Variants in CLOCK observed in about 807,000 individuals in gnomAD.
CLOCK encodes the protein clock circadian regulator.
Under a neutral mutation model 118.4 loss-of-function variants are expected in CLOCK, and 43 were observed. That is an observed-to-expected ratio of 0.36 (90% confidence interval 0.28 to 0.47). CLOCK has a LOEUF of 0.47. Among genes scored for constraint, CLOCK ranks in the 20% least tolerant of loss-of-function variants. The pLI, the probability that CLOCK is intolerant of heterozygous loss-of-function variation, is 1.00. For missense variants in CLOCK, 846 were observed against 999.9 expected (o/e 0.85, Z 2.08); for synonymous variants, 326 against 339.2 (o/e 0.96, Z 0.43).
chr4:55,532,542 TA>T (rs892546119), intron 1 of CLOCK, among the ~76,000 whole-genome samples: 234 of 149,206 alleles, frequency 1.6e-3, no homozygotes, highest in African/African-American at 5.2e-3. Context: ...AAGGAAAATT[TA>T]AAAAAAAAAA....
chr4:55,539,255 C>CA (rs869260899), intron 1 of CLOCK, among the ~76,000 whole-genome samples: 3 of 134,548 alleles, frequency 2.2e-5, no homozygotes, highest in Non-Finnish European at 3.3e-5. Flanking sequence ...ACAACAACAA[C>CA]AAAAAAAACA....
At chr4:55,454,476 A>C (rs1220332675) in intron 13 of CLOCK, among the ~76,000 whole-genome samples, 1 of 151,836 alleles carries the variant, frequency 6.6e-6, no homozygotes, top group Non-Finnish European at 1.5e-5. Flanking sequence ...TTAGCCAGGC[A>C]TGGTGGTACG....
intron 13 of CLOCK, among the ~76,000 whole-genome samples, chr4:55,455,439 A>T (rs1724855498): frequency 6.6e-6 from 1 of 152,222 alleles, no homozygotes; most frequent in Non-Finnish European, 1.5e-5. Flanking sequence ...CCTGGCACAA[A>T]GGATGATAAT....
chr4:55,522,015 TAA>T (rs1201992011), intron 1 of CLOCK, among the ~76,000 whole-genome samples: 1 of 152,082 alleles, frequency 6.6e-6, no homozygotes, highest in Non-Finnish European at 1.5e-5. Flanking sequence ...GGCAGCATTA[TAA>T]ACAAAGAGGG....
At chr4:55,459,852 G>C (rs1475429369) in intron 9 of CLOCK, among the ~76,000 whole-genome samples, 2 of 152,002 alleles carry the variant, frequency 1.3e-5, no homozygotes, top group African/African-American at 4.8e-5. Flanking sequence ...TATAGAAATG[G>C]GGTCTCACTA....
chr4:55,468,632 GA>G (rs767542152), intron 8 of CLOCK, among the ~76,000 whole-genome samples: 11 of 151,668 alleles, frequency 7.3e-5, no homozygotes, highest in Non-Finnish European at 1.2e-4. Flanking sequence ...ATTCTATTGA[GA>G]AAAATATTTA....
chr4:55,435,360 ACT>A lies in CLOCK; in HGVS notation c.*53_*54del. On this transcript the variant is annotated 3_prime_UTR_variant, in exon 23 of 23. Coordinates refer to ENST00000513440, the MANE Select transcript of CLOCK (RefSeq NM_004898.4). ...CTCCTTTCCTCAGGTCATCTGAGTA[ACT>A]CTTAATGGGCCATCCCCTTCCTCCC... 6.3e-7 allele frequency: 1 copy of A among 1,599,692 alleles called. No individual in the cohort carries two copies. The highest frequency in any genetic ancestry group is 8.6e-7 in the Non-Finnish European group (1 of 1,168,000).
At chr4:55,522,510 AAAAAG>A (rs1560475930) in intron 1 of CLOCK, among the ~76,000 whole-genome samples, 14 of 152,152 alleles carry the variant, frequency 9.2e-5, no homozygotes, top group African/African-American at 3.4e-4. Context: ...TTTTTAAAAA[AAAAAG>A]AAGCATAAAG....
intron 3 of CLOCK, among the ~76,000 whole-genome samples, chr4:55,484,425 C>T (rs887586686): frequency 2.0e-5 from 3 of 152,004 alleles, no homozygotes; most frequent in Non-Finnish European, 4.4e-5. Flanking sequence ...AGGACTAACA[C>T]CAGGATGAAA....
At chr4:55,475,927 G>T in intron 7 of CLOCK, 36 bp downstream of exon 7, 1 of 1,460,988 alleles carries the variant, frequency 6.8e-7, no homozygotes, top group Non-Finnish European at 9.6e-7. Flanking sequence ...CTTTTTTGAG[G>T]AAAATAAAAC....
At chr4:55,455,650 C>G (rs1554483) in intron 13 of CLOCK, among the ~76,000 whole-genome samples, 51,380 of 151,980 alleles carry the variant, frequency 0.34, 9,381 homozygotes, top group East Asian at 0.58. Flanking sequence ...ATATAGAGCT[C>G]ACGTGCTTCA....
At chr4:55,493,426 C>T (rs1295984640) in intron 2 of CLOCK, among the ~76,000 whole-genome samples, 1 of 152,126 alleles carries the variant, frequency 6.6e-6, no homozygotes, top group Non-Finnish European at 1.5e-5. Flanking sequence ...AAAAGTAGTG[C>T]TGAAATTTAA....
Position 55,435,456 on chromosome 4 carries a change from T to A in CLOCK, c.2500A>T (p.Thr834Ser). 6.2e-7 allele frequency: 1 copy of A among 1,614,018 alleles called. No individual in the cohort carries two copies. Among genetic ancestry groups the A allele is most frequent in the Non-Finnish European group, 8.5e-7 (1 of 1,179,924 alleles). The change falls in exon 23 of 23, where the codon ACT becomes TCT. Residue 834 changes from threonine to serine, a missense_variant. By Grantham distance (58) the Thr-to-Ser change is moderately conservative. This residue lies in a region of CLOCK where 520 missense variants were observed against 558.0 expected (regional missense o/e 0.93). Coordinates refer to ENST00000513440, the MANE Select transcript of CLOCK (RefSeq NM_004898.4). ...TTGGAAGGGTCGGGCAAGCTGTCAGTCCTGTGCCGGCTGAGTTGCTGCTGT... is the reference window on the plus strand; with the variant it reads ...TTGGAAGGGTCGGGCAAGCTGTCAGACCTGTGCCGGCTGAGTTGCTGCTGT... Reference protein sequence around the residue: ...QQQQQLSRHRTDSLPDPSKVQ... With the variant: ...QQQQQLSRHRSDSLPDPSKVQ...
chr4:55,467,657 T>G (rs554185669), intron 8 of CLOCK, among the ~76,000 whole-genome samples: 49 of 152,340 alleles, frequency 3.2e-4, no homozygotes, highest in African/African-American at 1.2e-3. Context: ...TACTTAGACA[T>G]TATCTTAATC....
At chr4:55,503,299 C>T (rs1368924034) in intron 2 of CLOCK, among the ~76,000 whole-genome samples, 2 of 152,148 alleles carry the variant, frequency 1.3e-5, no homozygotes, top group Non-Finnish European at 2.9e-5. Context: ...TGAAGTATTT[C>T]ACAGCAACAA....
At chr4:55,473,538 C>T (rs1726289369) in intron 7 of CLOCK, among the ~76,000 whole-genome samples, 1 of 152,132 alleles carries the variant, frequency 6.6e-6, no homozygotes, top group African/African-American at 2.4e-5. Context: ...AGAAAAATAA[C>T]TCAATTTGCA....
chr4:55,503,829 C>T (rs1164207309), intron 2 of CLOCK, among the ~76,000 whole-genome samples: 1 of 151,858 alleles, frequency 6.6e-6, no homozygotes, highest in Admixed American at 6.6e-5. Context: ...AACAGAAAGT[C>T]TAGCTTGAAG....
chr4:55,448,649 T>C (rs1181536922), intron 18 of CLOCK, 130 bp downstream of exon 18: 2 of 521,562 alleles, frequency 3.8e-6, no homozygotes, highest in East Asian at 4.2e-5. Flanking sequence ...TGTGTGCTCC[T>C]ACCTCAGCCT....
intron 4 of CLOCK, among the ~76,000 whole-genome samples, chr4:55,482,238 T>C (rs1297568770): frequency 6.6e-6 from 1 of 152,170 alleles, no homozygotes; most frequent in African/African-American, 2.4e-5. Context: ...TAACCCTCAC[T>C]GCCCCCTTCC....
Sources: gnomAD v4.1 joint callset for allele counts (sites outside exome capture counted in the v4.1 genomes callset) on GRCh38, gnomAD v4.1.1 for gene constraint, gnomAD v4.1.1 regional missense constraint, MANE v1.5 for transcripts, NCBI Gene and HGNC (gene_info 2026-07-23, HGNC 2026-07-21) for gene names.